The following ZNF365 variants were observed in gnomAD, a reference collection of about 807,000 sequenced individuals.
The protein encoded by ZNF365 is zinc finger protein 365, also known as protein ZNF365.
Under a neutral mutation model 35.0 loss-of-function variants are expected in ZNF365, and 22 were observed. That is an observed-to-expected ratio of 0.63 (90% CI 0.45 to 0.90). The LOEUF is 0.90. Among genes scored for constraint, ZNF365 ranks in the 40% least tolerant of loss-of-function variants. The pLI, the probability that ZNF365 is intolerant of heterozygous loss-of-function variation, is 0.00. For missense variants in ZNF365, 448 were observed against 500.3 expected (o/e 0.90, Z 1.00); for synonymous variants, 188 against 196.2 (o/e 0.96, Z 0.35).
chr10:62,444,937 C>T (rs2132467850), intron 3 of ZNF365, among the ~76,000 whole-genome samples: 1 of 152,132 alleles, frequency 6.6e-6, no homozygotes, highest in South Asian at 2.1e-4. Flanking sequence ...CTCCCCACCC[C>T]ACAACAGTCC....
intron 3 of ZNF365, among the ~76,000 whole-genome samples, chr10:62,396,083 G>A (rs1254113501): frequency 6.6e-6 from 1 of 152,212 alleles, no homozygotes. Flanking sequence ...GTGGCCTCTT[G>A]TGTTCATGGG....
Position 62,401,845 on chromosome 10 carries a change from GA to G in ZNF365, c.*2059del. The G allele has an allele frequency of 1.0e-6, 1 of 985,522 alleles. No individual in the cohort carries two copies. Among genetic ancestry groups the G allele is most frequent in the Non-Finnish European group, 1.2e-6 (1 of 829,918 alleles). 61.0% of individuals were successfully genotyped at this position (985,522 alleles called of 1,614,324 possible). A position where few individuals can be genotyped will look rare whatever the true frequency, so the allele number is the denominator to read the frequency against. On this transcript the variant is annotated 3_prime_UTR_variant, in exon 5 of 5. Transcript: ENST00000395254. ...TGACAGTGGTACCCCATGATCTTCA[GA>G]AAGTACCATAATGTCATCCTACTCT... is the stretch of plus-strand genomic sequence containing the variant.
intron 3 of ZNF365, among the ~76,000 whole-genome samples, chr10:62,459,432 A>T (rs1326255109): frequency 6.6e-6 from 1 of 152,248 alleles, no homozygotes; most frequent in Non-Finnish European, 1.5e-5. Flanking sequence ...TTACACCCAG[A>T]TGGGAGGGAA....
intron 3 of ZNF365, among the ~76,000 whole-genome samples, chr10:62,435,308 C>T (rs1459203605): frequency 6.6e-6 from 1 of 152,060 alleles, no homozygotes; most frequent in Non-Finnish European, 1.5e-5. Flanking sequence ...CCAGGTCTAG[C>T]GTTTGGAGGT....
Position 62,401,111 on chromosome 10 carries a change from A to G in ZNF365, c.*1322A>G. 1 of 984,892 alleles carries G rather than the reference A, an allele frequency of 1.0e-6. No individual in the cohort carries two copies. The highest frequency in any genetic ancestry group is 1.1e-4 in the East Asian group (1 of 8,950). 61.0% of individuals were successfully genotyped at this position (984,892 alleles called of 1,614,324 possible). A position where few individuals can be genotyped will look rare whatever the true frequency, so the allele number is the denominator to read the frequency against. On this transcript the variant is annotated 3_prime_UTR_variant, in exon 5 of 5. Coordinates refer to ENST00000395254, the MANE Select transcript of ZNF365 (RefSeq NM_014951.3). ...TGACATTCTTCTGAAAACAGGAATA[A>G]TTTTGTCCACAAATATATACATATA...
chr10:62,453,639 G>A (rs1255004135), intron 3 of ZNF365, among the ~76,000 whole-genome samples: 1 of 151,990 alleles, frequency 6.6e-6, no homozygotes, highest in Non-Finnish European at 1.5e-5. Context: ...CTTTTCCTTT[G>A]GGTAGATACC....
In ZNF365 at chr10:62,388,522, G is replaced by A; in HGVS notation, c.870G>A (p.Glu290=). 6.2e-7 allele frequency: 1 copy of A among 1,614,148 alleles called. No individual in the cohort carries two copies. Among genetic ancestry groups the A allele is most frequent in the Non-Finnish European group, 8.5e-7 (1 of 1,180,034 alleles). Residue 290 remains glutamate, a synonymous_variant, in exon 3 of 5, where the codon GAG becomes GAA. Transcript: ENST00000395254. Reference sequence around the variant, plus strand: ...TAGAACTGGCGGAGAAGCAGCTTGAGTACTATCAGAGCCAGCAGGCCTCTG... The same window carrying A: ...TAGAACTGGCGGAGAAGCAGCTTGAATACTATCAGAGCCAGCAGGCCTCTG... ...QRVELAEKQL[E]YYQSQQASGF...
chr10:62,423,374 T>C (rs1460529873), intron 3 of ZNF365, among the ~76,000 whole-genome samples: 1 of 152,186 alleles, frequency 6.6e-6, no homozygotes, highest in African/African-American at 2.4e-5. Context: ...AGACTCCTAC[T>C]TCATAGAGTA....
chr10:62,422,223 T>A (rs559000267), intron 3 of ZNF365, among the ~76,000 whole-genome samples: 1 of 152,286 alleles, frequency 6.6e-6, no homozygotes, highest in South Asian at 2.1e-4. Context: ...ATTCAAGGCA[T>A]GTCATCTTGT....
chr10:62,469,969 G>A (rs926506418), intron 4 of ZNF365, among the ~76,000 whole-genome samples: 2 of 152,054 alleles, frequency 1.3e-5, no homozygotes, highest in Admixed American at 1.3e-4. Context: ...TTCTTCTATT[G>A]TCTTTTAATG....
chr10:62,452,170 A>G (rs916958561), intron 3 of ZNF365, among the ~76,000 whole-genome samples: 1 of 152,202 alleles, frequency 6.6e-6, no homozygotes, highest in African/African-American at 2.4e-5. Flanking sequence ...AATTTAGAGT[A>G]GAAGGAAGTT....
downstream of ZNF365, among the ~76,000 whole-genome samples, chr10:62,405,584 A>G (rs72829062): frequency 0.11 from 16,791 of 152,232 alleles, 1,268 homozygotes; most frequent in African/African-American, 0.21. Flanking sequence ...TTTAACATTT[A>G]TGATTGGTTA....
chr10:62,376,694 A>G lies in ZNF365; in HGVS notation c.501A>G (p.Arg167=). The G allele has an allele frequency of 6.2e-7, 1 of 1,614,110 alleles. No homozygotes were observed. The highest frequency in any genetic ancestry group is 8.5e-7 in the Non-Finnish European group (1 of 1,180,024). The change falls in exon 2 of 5, where the codon CGA becomes CGG. Residue 167 remains arginine, a synonymous_variant. Coordinates refer to ENST00000395254, the MANE Select transcript of ZNF365 (RefSeq NM_014951.3). ...FEAHVREKFN[R]MVEAVDRTIE... is the part of the protein sequence containing the mutation. ...CACATGTCAGAGAAAAATTCAATCG[A>G]ATGGTTGAGGCTGTGGATAGGACCA... is the stretch of plus-strand genomic sequence containing the variant.
chr10:62,395,714 G>A (rs1255491294), intron 3 of ZNF365, among the ~76,000 whole-genome samples: 2 of 151,918 alleles, frequency 1.3e-5, no homozygotes, highest in Non-Finnish European at 1.5e-5. Context: ...CCAGGGTCAT[G>A]CTCAAAGGAA....
intron 3 of ZNF365, among the ~76,000 whole-genome samples, chr10:62,428,777 G>C: frequency 6.6e-6 from 1 of 152,138 alleles, no homozygotes; most frequent in East Asian, 1.9e-4. Flanking sequence ...ACTGAACGTG[G>C]CTTGTCACTC....
intron 3 of ZNF365, among the ~76,000 whole-genome samples, chr10:62,409,572 G>A (rs977091394): frequency 5.3e-5 from 8 of 152,072 alleles, no homozygotes; most frequent in Non-Finnish European, 8.8e-5. Context: ...CATTGACTCT[G>A]TGGCACAAAA....
chr10:62,441,954 C>T (rs1204630665), intron 3 of ZNF365, among the ~76,000 whole-genome samples: 2 of 152,092 alleles, frequency 1.3e-5, no homozygotes, highest in Non-Finnish European at 2.9e-5. Flanking sequence ...ATAATGATTC[C>T]GGAGCCCCGT....
intron 3 of ZNF365, chr10:62,459,673 T>A: frequency 1.3e-6 from 2 of 1,511,118 alleles, no homozygotes; most frequent in South Asian, 1.2e-5. Context: ...GCTTGTAGTC[T>A]TGCTGTGACT....
intron 3 of ZNF365, among the ~76,000 whole-genome samples, chr10:62,429,319 G>A (rs772012844): frequency 1.1e-4 from 16 of 152,124 alleles, no homozygotes; most frequent in Non-Finnish European, 1.8e-4. Context: ...TTGCTGTTTG[G>A]CACTTGGCCT....
Sources: gnomAD v4.1 joint callset for allele counts (sites outside exome capture counted in the v4.1 genomes callset) on GRCh38, gnomAD v4.1.1 for gene constraint, MANE v1.5 for transcripts, NCBI Gene and HGNC (gene_info 2026-07-23, HGNC 2026-07-21) for gene names.